MARVELD3: variants seen among roughly 807,000 people sequenced by gnomAD.
MARVELD3 encodes MARVEL domain-containing protein 3.
A neutral mutation model predicts 33.5 loss-of-function variants in MARVELD3; 28 were observed. That is an observed-to-expected ratio of 0.84 (90% confidence interval 0.62 to 1.15). The LOEUF is 1.15. Ranked by LOEUF, MARVELD3 falls within the 50% of genes most tolerant of loss-of-function variation. The probability of loss-of-function intolerance (pLI) is 0.00; values close to 1 mark genes in which losing one functional copy is unlikely to be tolerated. For synonymous variants in MARVELD3, 241 were observed against 230.4 expected (o/e 1.05, Z -0.42); for missense variants, 582 against 547.6 (o/e 1.06, Z -0.63).
At chr16:71,628,044 T>C (rs894502634) in intron 1 of MARVELD3, among the ~76,000 whole-genome samples, 27 of 152,208 alleles carry the variant, frequency 1.8e-4, no homozygotes, top group African/African-American at 6.3e-4. Context: ...CTCCCTGCTA[T>C]GTCCACACAG....
downstream of MARVELD3, chr16:71,640,722 G>A (rs760111945): frequency 3.1e-6 from 5 of 1,614,118 alleles, no homozygotes; most frequent in Admixed American, 1.7e-5. Flanking sequence ...CAGCCTCCTA[G>A]CGGCAGTGGG....
In MARVELD3 at chr16:71,629,844, C is replaced by T. The variant is rs770925822; in HGVS notation, c.595+350C>T. Among the ~76,000 whole-genome samples, 83 of 152,210 alleles carry T rather than the reference C, an allele frequency of 5.5e-4. No individual in the cohort carries two copies. The Middle Eastern group carries it at 0.01, about 19-fold the overall frequency. ...GAGGAGGGATCTTCTGGCGAGGCAG[C>T]TGAATTAACAGAGAGGGAAAGTCAC... On this transcript the variant is annotated intron_variant, in intron 2 of 2. Transcript: ENST00000268485.
At chr16:71,641,311 G>A, downstream of MARVELD3, 1 of 347,510 alleles carries the variant, frequency 2.9e-6, no homozygotes, top group Non-Finnish European at 5.3e-6. Context: ...AAAATCGCCG[G>A]GCATGGTGGC....
At chr16:71,627,999 C>T (rs2044491389) in intron 1 of MARVELD3, among the ~76,000 whole-genome samples, 1 of 152,234 alleles carries the variant, frequency 6.6e-6, no homozygotes, top group African/African-American at 2.4e-5. Context: ...TCAGGCTCCC[C>T]TCTCCCAGGG....
intron 2 of MARVELD3, 32 bp downstream of exon 2, chr16:71,629,526 AC>A: frequency 6.5e-7 from 1 of 1,541,188 alleles, no homozygotes; most frequent in Non-Finnish European, 8.7e-7. Context: ...TTGATCATTT[AC>A]TGTCACTGGT....
Position 71,634,759 on chromosome 16 carries a change from G to C in MARVELD3, c.1162G>C (p.Val388Leu). 4.4e-6 allele frequency: 7 copies of C among 1,608,684 alleles called. No individual in the cohort carries two copies. Among genetic ancestry groups the C allele is most frequent in the Non-Finnish European group, 5.9e-6 (7 of 1,178,482 alleles). Reference sequence around the variant, plus strand: ...CCTGGCCATAAAGGGCTACCGAAAAGTTAGGAAGCTAAAAGAGAAGCCAGC... The same window carrying C: ...CCTGGCCATAAAGGGCTACCGAAAACTTAGGAAGCTAAAAGAGAAGCCAGC... ...AVLAIKGYRK[V>L]RKLKEKPAEM... Residue 388 changes from valine to leucine, a missense_variant, in exon 3 of 3, where the codon GTT becomes CTT. Coordinates refer to ENST00000268485, the MANE Select transcript of MARVELD3 (RefSeq NM_052858.6).
chr16:71,626,912 A>C lies in MARVELD3; in HGVS notation c.467+216A>C. 2.0e-5 allele frequency: 9 copies of C among 443,554 alleles called. No homozygotes were observed. Among genetic ancestry groups the C allele is most frequent in the Admixed American group, 8.9e-5 (2 of 22,370 alleles). 27.5% of individuals were successfully genotyped at this position (443,554 alleles called of 1,614,324 possible). A position where few individuals can be genotyped will look rare whatever the true frequency, so the allele number is the denominator to read the frequency against. On this transcript the variant is annotated intron_variant, in intron 1 of 2. Transcript: ENST00000268485. The surrounding 1 kb of genome is among the most constrained non-coding windows in gnomAD (Gnocchi z 5.3). Reference sequence around the variant, plus strand: ...GCCTGAACCCAACTAACAAAGCAAAAACCACCCCTGTGAGCAGTGGCTGGG... The same window carrying C: ...GCCTGAACCCAACTAACAAAGCAAACACCACCCCTGTGAGCAGTGGCTGGG...
In MARVELD3 at chr16:71,626,664, G is replaced by T. The variant is rs1490447863; in HGVS notation, c.435G>T (p.Arg145Ser). Residue 145 changes from arginine to serine, a missense_variant, in exon 1 of 3, where the codon AGG becomes AGT. Transcript: ENST00000268485. The surrounding 1 kb of genome is among the most constrained non-coding windows in gnomAD (Gnocchi z 5.3). ...CCCCGGAGCCGCCGCAGCCGCAGAG[G>T]AAGGGAGACCCCGGGCGCCGCAGAC... ...WEAPEPPQPQ[R>S]KGDPGRRRPE... 3.1e-5 allele frequency: 47 copies of T among 1,524,140 alleles called. 1 individual carries two copies. The Admixed American group carries it at 7.4e-4, about 24-fold the overall frequency. 94.4% of individuals were successfully genotyped at this position (1,524,140 alleles called of 1,614,324 possible).
chr16:71,633,889 G>T (rs2044556293), intron 2 of MARVELD3, among the ~76,000 whole-genome samples: 1 of 152,004 alleles, frequency 6.6e-6, no homozygotes, highest in Non-Finnish European at 1.5e-5. Context: ...CTTCCATCCA[G>T]GATGGCTTTG....
downstream of MARVELD3, chr16:71,640,915 G>T (rs778166227): frequency 3.1e-6 from 5 of 1,614,142 alleles, no homozygotes; most frequent in Non-Finnish European, 4.2e-6. Context: ...TACGGCGCCA[G>T]CGTGGTGCTG....
At chr16:71,639,391 C>A (rs2145288382), downstream of MARVELD3, 1 of 149,138 alleles carries the variant, frequency 6.7e-6, no homozygotes, top group East Asian at 2.0e-4. Flanking sequence ...CTTTTTCACT[C>A]ATCATAATTC....
Position 71,635,525 on chromosome 16 carries a change from T to C in MARVELD3, c.*722T>C. 1 of 984,396 alleles carries C rather than the reference T, an allele frequency of 1.0e-6. No homozygotes were observed. Among genetic ancestry groups the C allele is most frequent in the Non-Finnish European group, 1.2e-6 (1 of 829,282 alleles). 61.0% of individuals were successfully genotyped at this position (984,396 alleles called of 1,614,324 possible). Reference sequence around the variant, plus strand: ...GGGAGGCTGAGGTAGGAGGATTGCTTGAACCCAGGAGTTCAAGTTTGCAGT... The same window carrying C: ...GGGAGGCTGAGGTAGGAGGATTGCTCGAACCCAGGAGTTCAAGTTTGCAGT... On this transcript the variant is annotated 3_prime_UTR_variant, in exon 3 of 3. Transcript: ENST00000268485.
chr16:71,638,303 T>G (rs1038990147), downstream of MARVELD3: 2 of 152,278 alleles, frequency 1.3e-5, no homozygotes, highest in African/African-American at 4.8e-5. Context: ...CCTGGTTGAA[T>G]AGACAAATCC....
At chr16:71,629,787 A>C (rs1455472728) in intron 2 of MARVELD3, 5 of 413,956 alleles carry the variant, frequency 1.2e-5, no homozygotes, top group Non-Finnish European at 1.7e-5. Context: ...AGAGGCCTGT[A>C]GGTGGAACTG....
downstream of MARVELD3, chr16:71,638,450 G>GA (rs1448874920): frequency 6.6e-6 from 1 of 152,542 alleles, no homozygotes; most frequent in Non-Finnish European, 1.5e-5. Flanking sequence ...TACTTTTGTG[G>GA]AAAAATGCAG....
At chr16:71,639,686 A>T (rs1455021575), downstream of MARVELD3, among the ~76,000 whole-genome samples, 2 of 151,204 alleles carry the variant, frequency 1.3e-5, no homozygotes, top group Non-Finnish European at 2.9e-5. Context: ...ACCTCAAGTG[A>T]TCTGCCCGCC....
Position 71,626,588 on chromosome 16 carries a change from G to T in MARVELD3, c.359G>T (p.Arg120Leu). 1 of 1,544,688 alleles carries T rather than the reference G, an allele frequency of 6.5e-7. No individual in the cohort carries two copies. Residue 120 changes from arginine to leucine, a missense_variant, in exon 1 of 3, where the codon CGG becomes CTG. Physicochemically the swap from Arg to Leu is moderately radical, Grantham distance 102. Transcript: ENST00000268485. This position sits in a 1 kb window ranked among gnomAD's most constrained non-coding sequence, Gnocchi z 5.3. ...CAAAGCCGGACGCGGGACGGAGCCC[G>T]GGGACTGACCTGGGACGCAGCCGCG... Reference protein sequence around the residue: ...PRQSRTRDGARGLTWDAAAPP... With the variant: ...PRQSRTRDGALGLTWDAAAPP...
chr16:71,631,120 T>TGATTATAG (rs1567604501), intron 2 of MARVELD3, among the ~76,000 whole-genome samples: 1 of 152,200 alleles, frequency 6.6e-6, no homozygotes. Flanking sequence ...AAGATGCATA[T>TGATTATAG]GATTATAGGA....
chr16:71,627,262 G>A (rs949033579), intron 1 of MARVELD3, among the ~76,000 whole-genome samples: 2 of 152,240 alleles, frequency 1.3e-5, no homozygotes, highest in Admixed American at 1.3e-4. Flanking sequence ...CAACACTTTG[G>A]GAGGCCGAGG....
Sources: gnomAD v4.1 joint callset for allele counts (sites outside exome capture counted in the v4.1 genomes callset) on GRCh38, gnomAD v4.1.1 for gene constraint, Gnocchi (gnomAD v3.1) non-coding constraint, MANE v1.5 for transcripts, NCBI Gene and HGNC (gene_info 2026-07-23, HGNC 2026-07-21) for gene names.